Variants in MYO5C observed in about 807,000 individuals in gnomAD.
MYO5C encodes the protein unconventional myosin-Vc.
A neutral mutation model predicts 235.7 loss-of-function variants in MYO5C; 194 were observed. That is an observed-to-expected ratio of 0.82 (90% CI 0.73 to 0.93). The LOEUF (loss-of-function observed/expected upper bound fraction) is 0.93. MYO5C is among the 40% of genes least tolerant of loss of function. The probability of loss-of-function intolerance (pLI) is 0.00; values close to 1 mark genes in which losing one functional copy is unlikely to be tolerated. For synonymous variants in MYO5C, 707 were observed against 754.8 expected (o/e 0.94, Z 1.04); for missense variants, 2,038 against 2,127.2 (o/e 0.96, Z 0.82).
chr15:52,213,482 A>G, intron 33 of MYO5C, 196 bp from the exon 34 acceptor site: 1 of 490,032 alleles, frequency 2.0e-6, no homozygotes, highest in Non-Finnish European at 3.7e-6. Flanking sequence ...TACATCAGTG[A>G]GTACAGCTGC....
intron 1 of MYO5C, among the ~76,000 whole-genome samples, chr15:52,288,247 A>G (rs1360889188): frequency 6.6e-6 from 1 of 152,158 alleles, no homozygotes; most frequent in East Asian, 1.9e-4. Context: ...CCTAGTTTGA[A>G]CTCCGTATTA....
intron 1 of MYO5C, among the ~76,000 whole-genome samples, chr15:52,293,339 C>T (rs560563380): frequency 6.6e-6 from 1 of 152,250 alleles, no homozygotes; most frequent in South Asian, 2.1e-4. Flanking sequence ...TCTTCTCTGT[C>T]TGCCTTCTCC....
chr15:52,295,387 G>A (rs1454845687), intron 1 of MYO5C, among the ~76,000 whole-genome samples: 2 of 152,166 alleles, frequency 1.3e-5, no homozygotes, highest in African/African-American at 4.8e-5. Flanking sequence ...CTTACCCGCG[G>A]GCAGGGACGG....
chr15:52,278,539 A>T (rs7162203), intron 4 of MYO5C, among the ~76,000 whole-genome samples: 23 of 127,404 alleles, frequency 1.8e-4, no homozygotes, highest in African/African-American at 6.0e-4. Context: ...TGCAATGGGT[A>T]AAAAAAAAAA....
At chr15:52,294,880 C>T (rs777403118) in intron 1 of MYO5C, among the ~76,000 whole-genome samples, 1 of 152,124 alleles carries the variant, frequency 6.6e-6, no homozygotes, top group African/African-American at 2.4e-5. Context: ...ATATGAAAGG[C>T]GCTTTAGAAA....
chr15:52,216,599 T>C (rs760193636), intron 32 of MYO5C, among the ~76,000 whole-genome samples: 8 of 138,866 alleles, frequency 5.8e-5, no homozygotes, highest in Non-Finnish European at 1.3e-4. Flanking sequence ...TTACTAAAAG[T>C]TTTTTTTTAA....
At chr15:52,217,632 T>A (rs1410277126) in intron 32 of MYO5C, among the ~76,000 whole-genome samples, 2 of 152,238 alleles carry the variant, frequency 1.3e-5, no homozygotes, top group Non-Finnish European at 2.9e-5. Context: ...TGTCACTGAT[T>A]GGAATTTGTT....
At chr15:52,270,570 C>G (rs983272863) in intron 7 of MYO5C, among the ~76,000 whole-genome samples, 4 of 150,802 alleles carry the variant, frequency 2.7e-5, no homozygotes, top group Non-Finnish European at 5.9e-5. Flanking sequence ...TAATGACTCT[C>G]TCTCTCTCTA....
chr15:52,239,705 A>G, intron 21 of MYO5C, 28 bp downstream of exon 21: 1 of 1,563,076 alleles, frequency 6.4e-7, no homozygotes, highest in Non-Finnish European at 8.7e-7. Context: ...GAAAAAGTAA[A>G]TGTAAAAGAT....
At chr15:52,262,073 T>C (rs2140827580) in intron 9 of MYO5C, among the ~76,000 whole-genome samples, 1 of 152,174 alleles carries the variant, frequency 6.6e-6, no homozygotes, top group Non-Finnish European at 1.5e-5. Flanking sequence ...TGGCATTTGG[T>C]TTCCTTCCTT....
At chr15:52,276,593 C>G (rs1034837969) in intron 4 of MYO5C, among the ~76,000 whole-genome samples, 1 of 152,164 alleles carries the variant, frequency 6.6e-6, no homozygotes, top group African/African-American at 2.4e-5. Context: ...ATGTCAGGAA[C>G]CGTCATGAAA....
At chr15:52,263,472 A>G (rs1596207649) in intron 9 of MYO5C, among the ~76,000 whole-genome samples, 1 of 152,162 alleles carries the variant, frequency 6.6e-6, no homozygotes, top group East Asian at 1.9e-4. Context: ...AGGTGTAAGG[A>G]GGTAGTGGGT....
At position 52,242,174 on chromosome 15, in the gene MYO5C, T is replaced by C. The variant is rs1374394904; in HGVS notation, c.2430A>G (p.Ala810=). The change falls in exon 20 of 41, where the codon GCA becomes GCG. Residue 810 remains alanine (A), a synonymous_variant. Transcript: ENST00000261839. ...GGCAGTGCTTCTGAATGATTATGGC[T>C]GCCCAAGCTTCTTTTAAGGCCACTG... is the stretch of plus-strand genomic sequence containing the variant. ...ITAVALKEAW[A]AIIIQKHCRG... 2 of 1,613,906 alleles carry C rather than the reference T, an allele frequency of 1.2e-6. No homozygotes were observed. Among genetic ancestry groups the C allele is most frequent in the Admixed American group, 3.3e-5 (2 of 59,964 alleles).
At chr15:52,282,974 T>C (rs1261192927) in intron 1 of MYO5C, 82 bp from the exon 2 acceptor site, 1 of 881,286 alleles carries the variant, frequency 1.1e-6, no homozygotes, top group Non-Finnish European at 1.9e-6. Flanking sequence ...GGAAGGTTTC[T>C]TTCTGTGCAC....
At chr15:52,241,522 GT>G (rs539908763) in intron 20 of MYO5C, among the ~76,000 whole-genome samples, 41 of 152,252 alleles carry the variant, frequency 2.7e-4, no homozygotes, top group African/African-American at 8.9e-4. Flanking sequence ...GCCTCCCACA[GT>G]GCTGGGATTA....
At chr15:52,204,706 AT>A (rs758122379) in intron 38 of MYO5C, among the ~76,000 whole-genome samples, 158 bp downstream of exon 38, 39 of 152,100 alleles carry the variant, frequency 2.6e-4, no homozygotes, top group Admixed American at 1.6e-3. Context: ...GGGCGCCAGC[AT>A]CCCGGGGCTC....
intron 1 of MYO5C, among the ~76,000 whole-genome samples, chr15:52,289,137 C>A (rs2037336782): frequency 6.6e-6 from 1 of 152,106 alleles, no homozygotes; most frequent in Admixed American, 6.5e-5. Flanking sequence ...TCTTCCTCCT[C>A]CTCTTCATTC....
intron 36 of MYO5C, among the ~76,000 whole-genome samples, chr15:52,207,299 A>G (rs1384134866): frequency 2.0e-5 from 3 of 152,260 alleles, no homozygotes; most frequent in African/African-American, 4.8e-5. Context: ...AAGGATCATA[A>G]AACAGTGCTG....
Position 52,219,757 on chromosome 15 carries a change from A to T in MYO5C, c.3785+2T>A. ...TTGAGGTACACACATATTTACACTT[A>T]CTTTCTTTGTGTTCCTTCCTCCTCT... is the stretch of plus-strand genomic sequence containing the variant. On this transcript the variant is annotated splice_donor_variant, in intron 31 of 40. Transcript: ENST00000261839. LOFTEE classifies it high-confidence loss of function. 1 of 1,607,746 alleles carries T rather than the reference A, an allele frequency of 6.2e-7. No individual in the cohort carries two copies. The highest frequency in any genetic ancestry group is 1.7e-5 in the Admixed American group (1 of 59,896).
Sources: gnomAD v4.1 joint callset for allele counts (sites outside exome capture counted in the v4.1 genomes callset) on GRCh38, gnomAD v4.1.1 for gene constraint, MANE v1.5 for transcripts, NCBI Gene and HGNC (gene_info 2026-07-23, HGNC 2026-07-21) for gene names.